CNTN5: variants seen among roughly 807,000 people sequenced by gnomAD.
The protein encoded by CNTN5 is contactin-5.
A neutral mutation model predicts 129.1 loss-of-function variants in CNTN5; 77 were observed. That is an observed-to-expected ratio of 0.60 (90% CI 0.50 to 0.72). The LOEUF is 0.72. CNTN5 is among the 30% of genes least tolerant of loss of function. The pLI, the probability that CNTN5 is intolerant of heterozygous loss-of-function variation, is 0.00. For synonymous variants in CNTN5, 509 were observed against 465.6 expected (o/e 1.09, Z -1.20); for missense variants, 1,478 against 1,328.8 (o/e 1.11, Z -1.75).
chr11:99,099,730 G>A (rs958148593), intron 1 of CNTN5, among the ~76,000 whole-genome samples: 5 of 151,874 alleles, frequency 3.3e-5, no homozygotes, highest in Non-Finnish European at 5.9e-5. Context: ...TGTAAAATAG[G>A]GATAATAAGC....
At chr11:99,672,651 C>T (rs927381224) in intron 3 of CNTN5, among the ~76,000 whole-genome samples, 1 of 150,118 alleles carries the variant, frequency 6.7e-6, no homozygotes, top group Admixed American at 6.7e-5. Flanking sequence ...GATCACCTGC[C>T]TCTGTGTCAA....
At chr11:100,295,574 G>T (rs939743241) in intron 18 of CNTN5, among the ~76,000 whole-genome samples, 4 of 151,294 alleles carry the variant, frequency 2.6e-5, no homozygotes, top group Non-Finnish European at 4.4e-5. Context: ...ATTTCAAATA[G>T]TTACTTTGTT....
chr11:99,620,037 AC>A (rs1565355555), intron 3 of CNTN5, among the ~76,000 whole-genome samples: 3 of 147,840 alleles, frequency 2.0e-5, no homozygotes, highest in East Asian at 2.0e-4. Context: ...AAAAAAAAAA[AC>A]AAAAAACAAA....
intron 3 of CNTN5, among the ~76,000 whole-genome samples, chr11:99,720,042 C>T (rs1056638121): frequency 1.1e-4 from 16 of 151,892 alleles, no homozygotes; most frequent in Non-Finnish European, 1.2e-4. Flanking sequence ...AATAGCCTAC[C>T]GACAACAACA....
intron 2 of CNTN5, among the ~76,000 whole-genome samples, chr11:99,347,562 G>GTTCAGTCCC (rs1403399093): frequency 6.6e-6 from 1 of 152,162 alleles, no homozygotes; most frequent in African/African-American, 2.4e-5. Flanking sequence ...CTGTTAGGCA[G>GTTCAGTCCC]TTCAGTCCCA....
chr11:100,149,457 C>G (rs1041721196), intron 13 of CNTN5, among the ~76,000 whole-genome samples: 1 of 151,856 alleles, frequency 6.6e-6, no homozygotes, highest in Non-Finnish European at 1.5e-5. Flanking sequence ...ATAATAAATG[C>G]TATGATAAAT....
chr11:100,345,532 A>G (rs1024734939), intron 23 of CNTN5, among the ~76,000 whole-genome samples: 1 of 151,966 alleles, frequency 6.6e-6, no homozygotes, highest in African/African-American at 2.4e-5. Context: ...TAACTAGCAG[A>G]TATTACTAGA....
At chr11:99,931,284 CAG>C (rs1950186625) in intron 7 of CNTN5, among the ~76,000 whole-genome samples, 2 of 152,144 alleles carry the variant, frequency 1.3e-5, no homozygotes, top group African/African-American at 2.4e-5. Context: ...CAATGTGTTT[CAG>C]AGTCTTTAGT....
intron 1 of CNTN5, among the ~76,000 whole-genome samples, chr11:99,284,928 A>C (rs902984860): frequency 2.0e-5 from 3 of 152,028 alleles, no homozygotes; most frequent in African/African-American, 7.2e-5. Context: ...GCTTTTGGTT[A>C]ATTGTTTTTC....
intron 6 of CNTN5, among the ~76,000 whole-genome samples, chr11:99,909,557 C>A (rs1403414444): frequency 1.3e-5 from 2 of 152,044 alleles, no homozygotes; most frequent in Non-Finnish European, 2.9e-5. Flanking sequence ...GACTTGGAAC[C>A]AAGCCAAATG....
chr11:99,273,868 GTTT>G (rs1845457004), intron 1 of CNTN5, among the ~76,000 whole-genome samples: 1 of 150,898 alleles, frequency 6.6e-6, no homozygotes, highest in South Asian at 2.1e-4. Flanking sequence ...TTTTTTATCA[GTTT>G]TGTCATTGAC....
chr11:99,770,067 T>C (rs1051133690), intron 3 of CNTN5, among the ~76,000 whole-genome samples: 1 of 152,156 alleles, frequency 6.6e-6, no homozygotes, highest in African/African-American at 2.4e-5. Context: ...TTGTTTTCTC[T>C]TTCTGTTCCT....
At chr11:99,641,205 C>T (rs936918448) in intron 3 of CNTN5, among the ~76,000 whole-genome samples, 2 of 152,052 alleles carry the variant, frequency 1.3e-5, no homozygotes, top group African/African-American at 4.8e-5. Flanking sequence ...TTGAAATAAT[C>T]CAGCTATTGG....
At chr11:99,981,971 G>C (rs1274108097) in intron 8 of CNTN5, among the ~76,000 whole-genome samples, 1 of 152,172 alleles carries the variant, frequency 6.6e-6, no homozygotes, top group African/African-American at 2.4e-5. Flanking sequence ...GATAGGAAAA[G>C]TGTAAATAGT....
At chr11:99,606,876 G>T (rs1361350138) in intron 3 of CNTN5, among the ~76,000 whole-genome samples, 36 of 131,854 alleles carry the variant, frequency 2.7e-4, no homozygotes, top group African/African-American at 9.2e-4. Flanking sequence ...AAATGGTGCT[G>T]GGAAAACTGG....
intron 2 of CNTN5, among the ~76,000 whole-genome samples, chr11:99,391,347 C>G (rs1273313612): frequency 6.6e-6 from 1 of 152,082 alleles, no homozygotes; most frequent in African/African-American, 2.4e-5. Flanking sequence ...TCTTTGTCAT[C>G]TAATTCCATT....
intron 13 of CNTN5, among the ~76,000 whole-genome samples, chr11:100,084,091 A>G (rs1241027460): frequency 6.6e-6 from 1 of 152,158 alleles, no homozygotes; most frequent in African/African-American, 2.4e-5. Context: ...TTTAGGAAAC[A>G]GTTTATGAAT....
chr11:99,250,458 C>A (rs1256432851), intron 1 of CNTN5, among the ~76,000 whole-genome samples: 2 of 151,862 alleles, frequency 1.3e-5, no homozygotes, highest in African/African-American at 4.8e-5. Flanking sequence ...TTTAAAATAT[C>A]ATTGGGAAAG....
At chr11:99,720,036 G>A (rs1221967404) in intron 3 of CNTN5, among the ~76,000 whole-genome samples, 3 of 151,916 alleles carry the variant, frequency 2.0e-5, no homozygotes, top group Non-Finnish European at 2.9e-5. Context: ...GTAATAAATA[G>A]CCTACCGACA....
Sources: allele counts gnomAD v4.1 joint callset (sites outside exome capture counted in the v4.1 genomes callset), GRCh38; gene constraint gnomAD v4.1.1; transcripts MANE v1.5; gene names NCBI Gene and HGNC (gene_info 2026-07-23, HGNC 2026-07-21).